Variants in DMTN observed in about 807,000 individuals in gnomAD.
DMTN encodes dematin actin binding protein.
DMTN carries 27 observed loss-of-function variants against 59.4 expected under a neutral mutation model. The observed-to-expected ratio is 0.45, with a 90% CI of 0.33 to 0.63. The LOEUF (loss-of-function observed/expected upper bound fraction) is 0.63, where lower values mean the gene tolerates loss of function less well. Among genes scored for constraint, DMTN ranks in the 20% least tolerant of loss-of-function variants. The pLI is 0.02. For missense variants in DMTN, 451 were observed against 528.9 expected (o/e 0.85, Z 1.45); for synonymous variants, 221 against 203.7 (o/e 1.08, Z -0.72).
intron 1 of DMTN, among the ~76,000 whole-genome samples, chr8:22,062,770 C>T (rs747064103): frequency 4.3e-4 from 65 of 152,146 alleles, no homozygotes; most frequent in Admixed American, 7.2e-4. Flanking sequence ...ACTTGGCTTC[C>T]ATGATGTTCT....
Position 22,058,469 on chromosome 8 carries a change from G to T in DMTN, c.-172+1333G>T, listed in dbSNP as rs993482387. The stretch of plus-strand genomic sequence containing the variant: ...CTGCAGGATGCAGAAAGCAGAAAGC[G>T]GGGTCTCTTCAGAGGGTGGGTGGAG... On this transcript the variant is annotated intron_variant, in intron 1 of 15. Transcript: ENST00000358242. The surrounding 1 kb of genome is among the most constrained non-coding windows in gnomAD (Gnocchi z 4.3). 2.0e-5 allele frequency among the ~76,000 whole-genome samples: 3 copies of T among 152,222 alleles called. No homozygotes were observed. The highest frequency in any genetic ancestry group is 7.2e-5 in the African/African-American group (3 of 41,460).
chr8:22,068,033 G>C (rs947724375), intron 4 of DMTN, among the ~76,000 whole-genome samples: 1 of 152,200 alleles, frequency 6.6e-6, no homozygotes, highest in Non-Finnish European at 1.5e-5. Flanking sequence ...GCTTACCCTC[G>C]TGTAAAATAG....
intron 8 of DMTN, 125 bp from the exon 9 acceptor site, chr8:22,072,201 T>TA: frequency 7.7e-7 from 1 of 1,299,214 alleles, no homozygotes; most frequent in Non-Finnish European, 1.0e-6. Context: ...CTTTATTTTT[T>TA]AAAAAAATTT....
Position 22,066,690 on chromosome 8 carries a change from C to T in DMTN, c.-171-15C>T, listed in dbSNP as rs990792291. Reference sequence around the variant, plus strand: ...AACGCCGCCCCGGCGCGGCCTCCCTCCCTTCTCCCCGCAGCCTGGAGAGTC... The same window carrying T: ...AACGCCGCCCCGGCGCGGCCTCCCTTCCTTCTCCCCGCAGCCTGGAGAGTC... On this transcript the variant is annotated splice_polypyrimidine_tract_variant and intron_variant, in intron 1 of 15. Transcript: ENST00000358242. 7 of 551,858 alleles carry T rather than the reference C, an allele frequency of 1.3e-5. No homozygotes were observed. The highest frequency in any genetic ancestry group is 1.9e-5 in the Non-Finnish European group (7 of 377,812). 34.2% of individuals were successfully genotyped at this position (551,858 alleles called of 1,614,324 possible).
chr8:22,056,567 T>G (rs778658378), upstream of DMTN, among the ~76,000 whole-genome samples: 2 of 152,006 alleles, frequency 1.3e-5, no homozygotes, highest in African/African-American at 2.4e-5. Context: ...TGCGTGTGGG[T>G]GTGTGTGTGC....
At chr8:22,049,574 C>A (rs1585551417), upstream of DMTN, among the ~76,000 whole-genome samples, 1 of 85,956 alleles carries the variant, frequency 1.2e-5, no homozygotes, top group African/African-American at 7.1e-5. Context: ...GGACAACCCC[C>A]CCCCCCCGCC....
intron 10 of DMTN, among the ~76,000 whole-genome samples, 153 bp from the exon 11 acceptor site, chr8:22,080,027 T>C (rs996405162): frequency 6.6e-6 from 1 of 152,070 alleles, no homozygotes; most frequent in Non-Finnish European, 1.5e-5. Flanking sequence ...AGGTGACCAG[T>C]AGGAGCTGGG....
rs745516863 is a variant in DMTN at position 22,067,679 on chromosome 8, C to T, written c.246C>T (p.Arg82=). The T allele has an allele frequency of 6.2e-7, 1 of 1,613,700 alleles. No homozygotes were observed. Among genetic ancestry groups the T allele is most frequent in the South Asian group, 1.1e-5 (1 of 91,082 alleles). ...AACACGTGGAGCTGCCTCGCAGCCG[C>T]GAGGTGAGGGGGCTCCTCTTGGGCA... ...LLEHVELPRS[R]ERSLSPKSTS... The change falls in exon 4 of 16, where the codon CGC becomes CGT. Residue 82 remains arginine, a synonymous_variant. Coordinates refer to ENST00000358242, the MANE Select transcript of DMTN (RefSeq NM_001387751.1).
chr8:22,079,288 ATATATATATATATT>A (rs1261626426), intron 10 of DMTN, among the ~76,000 whole-genome samples: 3,274 of 70,290 alleles, frequency 0.047, 349 homozygotes, highest in African/African-American at 0.13. Flanking sequence ...ATATATATAT[ATATATATATATATT>A]AGCTGGGTTT....
chr8:22,067,093 T>G lies in DMTN; in HGVS notation c.27T>G (p.Leu9=). Residue 9 remains leucine, a synonymous_variant, in exon 3 of 16, where the codon CTT becomes CTG. Coordinates refer to ENST00000358242, the MANE Select transcript of DMTN (RefSeq NM_001387751.1). ...CTTCTCGCTCTCCCCAGCAACCACT[T>G]ACCTCCCCCGGGAGCGTGAGCCCCT... MERLQKQP[L]TSPGSVSPSR... 6.2e-7 allele frequency: 1 copy of G among 1,602,196 alleles called. No individual in the cohort carries two copies. The highest frequency in any genetic ancestry group is 8.5e-7 in the Non-Finnish European group (1 of 1,175,060).
At position 22,079,409 on chromosome 8, in the gene DMTN, C is replaced by T. The variant is rs545321163; in HGVS notation, c.836-771C>T. Among the ~76,000 whole-genome samples the T allele has an allele frequency of 6.9e-4, 104 of 149,832 alleles. 1 individual carries two copies. Among genetic ancestry groups the T allele is most frequent in the African/African-American group, 2.3e-3 (94 of 40,890 alleles). The stretch of plus-strand genomic sequence containing the variant: ...GAGGCTACAGAAAGCTATAATCACA[C>T]CACTGCACTTCAGCCTGGATGACAC... On this transcript the variant is annotated intron_variant, in intron 10 of 15. Transcript: ENST00000358242.
At position 22,081,603 on chromosome 8, in the gene DMTN, C is replaced by T. The variant is rs553469836; in HGVS notation, c.*140C>T. 3.0e-5 allele frequency: 20 copies of T among 675,604 alleles called. No homozygotes were observed. Among genetic ancestry groups the T allele is most frequent in the South Asian group, 5.4e-5 (3 of 55,838 alleles). 41.9% of individuals were successfully genotyped at this position (675,604 alleles called of 1,614,324 possible). A position where few individuals can be genotyped will look rare whatever the true frequency, so the allele number is the denominator to read the frequency against. Reference sequence around the variant, plus strand: ...GTAGAGTGGGGGGCCAAAACCTCTGCAGTCCCCGGCAGTGAGCTATGGACT... The same window carrying T: ...GTAGAGTGGGGGGCCAAAACCTCTGTAGTCCCCGGCAGTGAGCTATGGACT... On this transcript the variant is annotated 3_prime_UTR_variant, in exon 16 of 16. Transcript: ENST00000358242.
At chr8:22,066,944 T>G in intron 2 of DMTN, 51 bp downstream of exon 2, 6 of 1,237,722 alleles carry the variant, frequency 4.8e-6, no homozygotes, top group Non-Finnish European at 6.1e-6. Context: ...TGGGGGCCGC[T>G]TGGGAGTCCA....
chr8:22,061,582 C>G (rs529686738), intron 1 of DMTN, among the ~76,000 whole-genome samples: 1 of 152,214 alleles, frequency 6.6e-6, no homozygotes, highest in African/African-American at 2.4e-5. Flanking sequence ...GCCCCTCCCC[C>G]CGGTGGTGTT....
rs1397920519 is a variant in DMTN, at chr8:22,080,214, C to G, written c.870C>G (p.Leu290=). The change falls in exon 11 of 16, where the codon CTC becomes CTG. Residue 290 remains leucine (L), a synonymous_variant. Transcript: ENST00000358242. ...LHQGTSKSSS[L]PAYGRTTLSR... ...AGGGAACGTCTAAATCTTCCTCTCT[C>G]CCCGCCTATGGCAGGACCACCCTGA... 1.2e-6 allele frequency: 2 copies of G among 1,614,220 alleles called. No homozygotes were observed. The highest frequency in any genetic ancestry group is 3.3e-5 in the Admixed American group (2 of 60,024).
At chr8:22,077,581 T>C (rs1285000936) in intron 10 of DMTN, among the ~76,000 whole-genome samples, 1 of 152,174 alleles carries the variant, frequency 6.6e-6, no homozygotes, top group Non-Finnish European at 1.5e-5. Flanking sequence ...GAAGGTTGGA[T>C]TCAGTGTCAG....
chr8:22,068,743 G>A (rs1400728228), intron 4 of DMTN, among the ~76,000 whole-genome samples: 4 of 151,372 alleles, frequency 2.6e-5, no homozygotes, highest in African/African-American at 9.7e-5. Context: ...GAAAAGGGGA[G>A]GAGAGAGGAA....
chr8:22,060,041 G>A lies in DMTN; in HGVS notation c.-172+2905G>A, dbSNP rs1805211240. ...CAGGGACACACAGCTGGGGGAGGGT[G>A]GGGCTGAGATGGAGGGCGAGCGGCT... On this transcript the variant is annotated intron_variant, in intron 1 of 15. Transcript: ENST00000358242. The surrounding 1 kb of genome is among the most constrained non-coding windows in gnomAD (Gnocchi z 5.0). 6.6e-6 allele frequency among the ~76,000 whole-genome samples: 1 copy of A among 152,140 alleles called. No individual in the cohort carries two copies. The highest frequency in any genetic ancestry group is 6.6e-5 in the Admixed American group (1 of 15,264).
intron 10 of DMTN, among the ~76,000 whole-genome samples, chr8:22,079,277 A>AATAAATATATATATATATATATAT (rs71204534): frequency 7.2e-5 from 2 of 27,682 alleles, no homozygotes; most frequent in African/African-American, 1.2e-4. Context: ...TAAATAAATA[A>AATAAATATATATATATATATATAT]ATATATATAT....
Sources: gnomAD v4.1 joint callset for allele counts (sites outside exome capture counted in the v4.1 genomes callset) on GRCh38, gnomAD v4.1.1 for gene constraint, Gnocchi (gnomAD v3.1) non-coding constraint, MANE v1.5 for transcripts, NCBI Gene and HGNC (gene_info 2026-07-23, HGNC 2026-07-21) for gene names.